The following TAFA5 variants were observed in gnomAD, a reference collection of about 807,000 sequenced individuals.
TAFA5 encodes the protein TAFA chemokine like family member 5, also known as chemokine-like protein TAFA-5.
In TAFA5, 6 loss-of-function variants were observed where a neutral mutation model predicts 15.3. The ratio of observed to expected loss-of-function variants is 0.39; its 90% CI spans 0.21 to 0.77. TAFA5 has a LOEUF of 0.77. Ranked by LOEUF, TAFA5 falls within the 30% of genes least tolerant of loss-of-function variation. TAFA5 has a pLI of 0.41. For synonymous variants in TAFA5, 103 were observed against 80.7 expected, an observed-to-expected ratio of 1.28 and a Z score of -1.48; for missense variants, 161 against 193.1, an observed-to-expected ratio of 0.83 and a Z score of 0.98.
At chr22:48,599,254 T>C (rs1276031563) in intron 1 of TAFA5, among the ~76,000 whole-genome samples, 1 of 152,194 alleles carries the variant, frequency 6.6e-6, no homozygotes, top group Non-Finnish European at 1.5e-5. Flanking sequence ...TCTGCCTTGG[T>C]CTTCCTGGCC....
intron 1 of TAFA5, among the ~76,000 whole-genome samples, chr22:48,638,813 A>C (rs1489554727): frequency 3.7e-5 from 4 of 108,836 alleles, no homozygotes; most frequent in East Asian, 2.9e-4. Context: ...CACAGGGGGG[A>C]CCCCGACACT....
At chr22:48,562,459 T>C (rs1371924624) in intron 1 of TAFA5, among the ~76,000 whole-genome samples, 2 of 151,624 alleles carry the variant, frequency 1.3e-5, no homozygotes, top group Non-Finnish European at 2.9e-5. Context: ...TTCTAGAAAA[T>C]GGGAAGGGGG....
intron 3 of TAFA5, among the ~76,000 whole-genome samples, chr22:48,728,739 C>A (rs1446643693): frequency 6.6e-6 from 1 of 152,088 alleles, no homozygotes; most frequent in Non-Finnish European, 1.5e-5. Flanking sequence ...GCCACCCTTC[C>A]CCTCAAAGAG....
intron 1 of TAFA5, among the ~76,000 whole-genome samples, chr22:48,520,672 C>T (rs79460143): frequency 0.084 from 12,816 of 151,996 alleles, 742 homozygotes; most frequent in East Asian, 0.25. Flanking sequence ...GGGGCAGAGC[C>T]GGGGGTGGCC....
intron 1 of TAFA5, among the ~76,000 whole-genome samples, chr22:48,524,260 G>T (rs1321481589): frequency 3.9e-5 from 6 of 152,196 alleles, no homozygotes; most frequent in Admixed American, 3.9e-4. Flanking sequence ...TTGACAGTGT[G>T]GGGGCTGGTG....
At chr22:48,549,986 C>A (rs1430716410) in intron 1 of TAFA5, among the ~76,000 whole-genome samples, 2 of 152,214 alleles carry the variant, frequency 1.3e-5, no homozygotes, top group African/African-American at 2.4e-5. Flanking sequence ...ATCCCTGAGG[C>A]CACCCTGTCA....
At chr22:48,573,050 C>T (rs1923643148) in intron 1 of TAFA5, among the ~76,000 whole-genome samples, 1 of 152,228 alleles carries the variant, frequency 6.6e-6, no homozygotes, top group African/African-American at 2.4e-5. Context: ...GGGCAGAAGG[C>T]ACCCCCTCTG....
chr22:48,540,366 C>T (rs923186899), intron 1 of TAFA5, among the ~76,000 whole-genome samples: 9 of 152,174 alleles, frequency 5.9e-5, no homozygotes, highest in Admixed American at 5.2e-4. Flanking sequence ...GAGGCAGATC[C>T]TGCCTGGACC....
At chr22:48,605,104 TAAGG>T (rs1023424239) in intron 1 of TAFA5, among the ~76,000 whole-genome samples, 8 of 140,202 alleles carry the variant, frequency 5.7e-5, no homozygotes, top group Middle Eastern at 3.6e-3. Flanking sequence ...CTGCTGATGA[TAAGG>T]AAGAGGTGGA....
intron 1 of TAFA5, among the ~76,000 whole-genome samples, chr22:48,561,626 C>T (rs572351969): frequency 5.3e-5 from 8 of 152,282 alleles, no homozygotes; most frequent in African/African-American, 1.4e-4. Context: ...GTGATGATGA[C>T]GGTGGCCACG....
chr22:48,540,649 C>T (rs1362804859), intron 1 of TAFA5, among the ~76,000 whole-genome samples: 1 of 151,262 alleles, frequency 6.6e-6, no homozygotes, highest in Non-Finnish European at 1.5e-5. Flanking sequence ...ATCCAAGCCT[C>T]GCTTCCTTTT....
chr22:48,494,290 G>A (rs1326103221), intron 1 of TAFA5, among the ~76,000 whole-genome samples: 4 of 152,192 alleles, frequency 2.6e-5, no homozygotes, highest in African/African-American at 9.7e-5. Flanking sequence ...TCGCATCTGC[G>A]CCGATTTAGA....
intron 1 of TAFA5, among the ~76,000 whole-genome samples, chr22:48,606,804 A>G (rs1038463236): frequency 5.9e-5 from 9 of 152,110 alleles, no homozygotes; most frequent in Non-Finnish European, 1.3e-4. Flanking sequence ...GTGGGAGGAA[A>G]GGGGCCTAGG....
In TAFA5 at chr22:48,560,585, AT is replaced by A. The variant is rs35654301; in HGVS notation, c.112+70883del. Among the ~76,000 whole-genome samples the A allele has an allele frequency of 0.67, 97,893 of 146,194 alleles. 33,040 individuals carry two copies. The highest frequency in any genetic ancestry group is 0.74 in the South Asian group (3,439 of 4,646). ...GTTGTATTTTATTATTATTATTATT[AT>A]TATTATATTATTATTATTAATTATT... On this transcript the variant is annotated intron_variant, in intron 1 of 3. Coordinates refer to ENST00000402357, the MANE Select transcript of TAFA5 (RefSeq NM_001082967.3). The surrounding 1 kb of genome is among the most constrained non-coding windows in gnomAD (Gnocchi z 4.2).
At position 48,633,850 on chromosome 22, in the gene TAFA5, T is replaced by C. The variant is rs17223363; in HGVS notation, c.113-12747T>C. The stretch of plus-strand genomic sequence containing the variant: ...CGGTGAAATACTGAGAAATTGAATG[T>C]TCATTTATAGTGTTGATTTGATTTC... On this transcript the variant is annotated intron_variant, in intron 1 of 3. Coordinates refer to ENST00000402357, the MANE Select transcript of TAFA5 (RefSeq NM_001082967.3). 2.1e-3 allele frequency among the ~76,000 whole-genome samples: 325 copies of C among 152,334 alleles called. 11 individuals are homozygous for C. The East Asian group carries it at 0.053, about 25-fold the overall frequency.
At chr22:48,738,314 C>G (rs1057409688) in intron 3 of TAFA5, among the ~76,000 whole-genome samples, 5 of 152,174 alleles carry the variant, frequency 3.3e-5, no homozygotes, top group Non-Finnish European at 7.3e-5. Flanking sequence ...TTAAAGGTAC[C>G]ACTGCGTGGA....
chr22:48,746,378 C>T (rs775385555), intron 3 of TAFA5, among the ~76,000 whole-genome samples: 6 of 152,102 alleles, frequency 3.9e-5, no homozygotes, highest in Admixed American at 6.5e-5. Flanking sequence ...CCTGTGGTCC[C>T]AGTTGCTCAG....
At position 48,650,042 on chromosome 22, in the gene TAFA5, CACAG is replaced by C. The variant is rs1281580990; in HGVS notation, c.262+3297_262+3300del. ...GCTTAGTTAGCTTTGCTTCTTTTTG[CACAG>C]TGGGCATTTTCCAGGCTGCCATCTA... On this transcript the variant is annotated intron_variant, in intron 2 of 3. Transcript: ENST00000402357. Among the ~76,000 whole-genome samples, 11 of 152,314 alleles carry C rather than the reference CACAG, an allele frequency of 7.2e-5. No individual in the cohort carries two copies. In the East Asian group the frequency reaches 2.1e-3, roughly 29 times the overall value.
intron 1 of TAFA5, among the ~76,000 whole-genome samples, chr22:48,521,922 C>A: frequency 6.7e-6 from 1 of 150,096 alleles, no homozygotes; most frequent in East Asian, 2.0e-4. Flanking sequence ...AGCTCCTGCT[C>A]AGACCAAACT....
Sources: gnomAD v4.1 joint callset for allele counts (sites outside exome capture counted in the v4.1 genomes callset) on GRCh38, gnomAD v4.1.1 for gene constraint, Gnocchi (gnomAD v3.1) non-coding constraint, MANE v1.5 for transcripts, NCBI Gene and HGNC (gene_info 2026-07-23, HGNC 2026-07-21) for gene names.